Variants in FANCC observed in about 807,000 individuals in gnomAD.
FANCC encodes the protein Fanconi anemia group C protein.
A neutral mutation model predicts 71.3 loss-of-function variants in FANCC; 55 were observed. The ratio of observed to expected loss-of-function variants is 0.77; its 90% CI spans 0.62 to 0.97. The LOEUF (loss-of-function observed/expected upper bound fraction) is 0.97, where lower values mean the gene tolerates loss of function less well. FANCC is among the 50% of genes least tolerant of loss of function. FANCC has a pLI of 0.00. For synonymous variants in FANCC, 275 were observed against 244.9 expected, an observed-to-expected ratio of 1.12 and a Z score of -1.15; for missense variants, 678 against 670.9, an observed-to-expected ratio of 1.01 and a Z score of -0.12.
chr9:95,295,681 T>G (rs1834323504), intron 1 of FANCC, among the ~76,000 whole-genome samples: 1 of 151,310 alleles, frequency 6.6e-6, no homozygotes, highest in Admixed American at 6.6e-5. Context: ...AGCAGGAGGA[T>G]CTCTTGAGCC....
intron 1 of FANCC, among the ~76,000 whole-genome samples, chr9:95,260,686 TA>T (rs75106263): frequency 9.6e-4 from 125 of 129,552 alleles, no homozygotes; most frequent in Middle Eastern, 4.1e-3. Flanking sequence ...ACTTAAAATA[TA>T]AAAAAAAAAA....
rs368744237 is a variant in FANCC at position 95,259,685 on chromosome 9, G to C, written c.-78-10316C>G. Among the ~76,000 whole-genome samples, 7 of 152,278 alleles carry C rather than the reference G, an allele frequency of 4.6e-5. No individual in the cohort carries two copies. In the East Asian group the frequency reaches 1.4e-3, roughly 29 times the overall value. On this transcript the variant is annotated intron_variant, in intron 1 of 14. Coordinates refer to ENST00000289081, the MANE Select transcript of FANCC (RefSeq NM_000136.3). ...AGCAATGGCAACAAAAGCTAAAATT[G>C]ACAAATGGGATCTAATTAAACTAAA...
rs1392193046 is a variant in FANCC at position 95,101,228 on chromosome 9, C to G, written c.*479G>C. On this transcript the variant is annotated 3_prime_UTR_variant, in exon 15 of 15. Transcript: ENST00000289081. Reference sequence around the variant, plus strand: ...CCCTGACTCCCCTTGAAGAATTTCTCCATACAGCAAGACAGTGTGGCTTTA... The same window carrying G: ...CCCTGACTCCCCTTGAAGAATTTCTGCATACAGCAAGACAGTGTGGCTTTA... 3.9e-6 allele frequency: 1 copy of G among 258,940 alleles called. No individual in the cohort carries two copies. The highest frequency in any genetic ancestry group is 7.6e-6 in the Non-Finnish European group (1 of 132,338). 16.0% of individuals were successfully genotyped at this position (258,940 alleles called of 1,614,324 possible).
chr9:95,155,264 G>A (rs1588192478), intron 6 of FANCC, among the ~76,000 whole-genome samples: 1 of 79,602 alleles, frequency 1.3e-5, no homozygotes, highest in African/African-American at 5.0e-5. Context: ...GGGGAGGGGA[G>A]GGGAGGAAAG....
At chr9:95,114,381 A>C (rs1356461707) in intron 12 of FANCC, 1 of 548,674 alleles carries the variant, frequency 1.8e-6, no homozygotes, top group Non-Finnish European at 3.3e-6. Flanking sequence ...CCAGACGTTA[A>C]TGTAGAAAAC....
At chr9:95,118,507 C>T (rs536312177) in intron 10 of FANCC, among the ~76,000 whole-genome samples, 1 of 152,202 alleles carries the variant, frequency 6.6e-6, no homozygotes, top group African/African-American at 2.4e-5. Flanking sequence ...ATCCATGTGA[C>T]CACCACCCCA....
At chr9:95,217,938 G>A (rs1828980825) in intron 4 of FANCC, among the ~76,000 whole-genome samples, 1 of 152,010 alleles carries the variant, frequency 6.6e-6, no homozygotes, top group African/African-American at 2.4e-5. Flanking sequence ...ATATCCTACA[G>A]ATACTAAAAG....
rs115847285 is a variant in FANCC, at chr9:95,294,874, C to T, written c.-79+22652G>A. The stretch of plus-strand genomic sequence containing the variant: ...ATTTCCTCTGGATTAAAACTACGGA[C>T]GGGGGACAACAGTATTAATTCGATT... On this transcript the variant is annotated intron_variant, in intron 1 of 14. Coordinates refer to ENST00000289081, the MANE Select transcript of FANCC (RefSeq NM_000136.3). 2.3e-3 allele frequency: 3,183 copies of T among 1,390,656 alleles called. 63 individuals are homozygous for T. In the African/African-American group the frequency reaches 0.04, roughly 18 times the overall value. 86.1% of individuals were successfully genotyped at this position (1,390,656 alleles called of 1,614,324 possible).
chr9:95,132,602 G>A (rs140055918), intron 8 of FANCC, among the ~76,000 whole-genome samples: 18 of 152,292 alleles, frequency 1.2e-4, no homozygotes, highest in African/African-American at 7.2e-5. Context: ...AGCATGACTC[G>A]ACAGCAGTCC....
chr9:95,279,412 G>C (rs1048108673), intron 1 of FANCC, among the ~76,000 whole-genome samples: 1 of 151,522 alleles, frequency 6.6e-6, no homozygotes, highest in Non-Finnish European at 1.5e-5. Context: ...AGCAAAGGAA[G>C]GAGAATCACT....
intron 8 of FANCC, among the ~76,000 whole-genome samples, chr9:95,133,226 C>T (rs1423125962): frequency 8.5e-5 from 13 of 152,238 alleles, no homozygotes; most frequent in Admixed American, 2.6e-4. Flanking sequence ...CACTGCAGGC[C>T]CAGGATGCTG....
At chr9:95,111,379 G>A (rs2071915397) in intron 13 of FANCC, 84 bp downstream of exon 13, 1 of 1,597,554 alleles carries the variant, frequency 6.3e-7, no homozygotes, top group Non-Finnish European at 8.5e-7. Context: ...TGGAAGCCAA[G>A]CCCACAACAG....
At chr9:95,284,361 A>G (rs922081458) in intron 1 of FANCC, among the ~76,000 whole-genome samples, 1 of 152,234 alleles carries the variant, frequency 6.6e-6, no homozygotes, top group East Asian at 1.9e-4. Context: ...TGAGATGGAT[A>G]AGACAGTTTG....
At chr9:95,177,836 G>A (rs1218024477) in intron 4 of FANCC, among the ~76,000 whole-genome samples, 1 of 152,182 alleles carries the variant, frequency 6.6e-6, no homozygotes, top group East Asian at 1.9e-4. Flanking sequence ...AAGCATTCAA[G>A]CTCCAGGCAA....
At chr9:95,234,803 C>T (rs913471968) in intron 4 of FANCC, among the ~76,000 whole-genome samples, 1 of 152,182 alleles carries the variant, frequency 6.6e-6, no homozygotes, top group Admixed American at 6.5e-5. Context: ...AGTCAGAAGG[C>T]CAGCAGGCTT....
intron 6 of FANCC, among the ~76,000 whole-genome samples, chr9:95,164,546 A>G (rs1402358207): frequency 6.6e-6 from 1 of 152,176 alleles, no homozygotes; most frequent in African/African-American, 2.4e-5. Context: ...CCATTTCTGC[A>G]TTAAGATGAT....
chr9:95,254,281 G>A (rs925905089), intron 1 of FANCC, among the ~76,000 whole-genome samples: 4 of 152,234 alleles, frequency 2.6e-5, no homozygotes, highest in Non-Finnish European at 5.9e-5. Context: ...AACCTCCACA[G>A]GCTGGCAAGA....
chr9:95,297,710 T>A (rs960855693), intron 1 of FANCC, among the ~76,000 whole-genome samples: 1 of 152,252 alleles, frequency 6.6e-6, no homozygotes, highest in Non-Finnish European at 1.5e-5. Flanking sequence ...AACTATTACA[T>A]GTTTTCTCTC....
chr9:95,165,752 G>A (rs1351906746), intron 6 of FANCC, among the ~76,000 whole-genome samples: 3 of 151,992 alleles, frequency 2.0e-5, no homozygotes, highest in Non-Finnish European at 4.4e-5. Flanking sequence ...TGTATATTCT[G>A]CTGTTATTGG....
Sources: allele counts gnomAD v4.1 joint callset (sites outside exome capture counted in the v4.1 genomes callset), GRCh38; gene constraint gnomAD v4.1.1; transcripts MANE v1.5; gene names NCBI Gene and HGNC (gene_info 2026-07-23, HGNC 2026-07-21).